Variants in CFAP54 observed in about 807,000 individuals in gnomAD.
The protein encoded by CFAP54 is cilia- and flagella-associated protein 54.
A neutral mutation model predicts 370.4 loss-of-function variants in CFAP54; 290 were observed. The ratio of observed to expected loss-of-function variants is 0.78; its 90% confidence interval spans 0.71 to 0.86. The LOEUF is 0.86. Among genes scored for constraint, CFAP54 ranks in the 40% least tolerant of loss-of-function variants. CFAP54 has a pLI of 0.00. For missense variants in CFAP54, 3,399 were observed against 3,528.7 expected (o/e 0.96, Z 0.93); for synonymous variants, 1,206 against 1,236.5 (o/e 0.98, Z 0.52).
At position 96,613,245 on chromosome 12, in the gene CFAP54, T is replaced by C. The variant is rs182321946; in HGVS notation, c.3640-8345T>C. Among the ~76,000 whole-genome samples, 195 of 152,280 alleles carry C rather than the reference T, an allele frequency of 1.3e-3. 1 individual carries two copies. The highest frequency in any genetic ancestry group is 4.0e-3 in the Admixed American group (61 of 15,284). ...CAAAACTGCTTAACTACATGGAAAC[T>C]GAACAACCTGCTCCTGAATGACTAC... On this transcript the variant is annotated intron_variant, in intron 26 of 67. Coordinates refer to ENST00000524981, the MANE Select transcript of CFAP54 (RefSeq NM_001306084.2).
intron 46 of CFAP54, among the ~76,000 whole-genome samples, chr12:96,702,915 T>A (rs564701434): frequency 1.4e-4 from 21 of 152,320 alleles, no homozygotes; most frequent in Admixed American, 4.6e-4. Context: ...TTTAAAAAAA[T>A]TCTGTATTTT....
chr12:96,750,649 C>T (rs567054353), intron 55 of CFAP54, among the ~76,000 whole-genome samples: 5 of 152,262 alleles, frequency 3.3e-5, no homozygotes, highest in African/African-American at 1.2e-4. Context: ...TCTACAGGAG[C>T]TTAAAATACA....
rs773626439 is a variant in CFAP54 at position 96,684,649 on chromosome 12, T to C, written c.5718T>C (p.Asp1906=). 1 of 1,607,064 alleles carries C rather than the reference T, an allele frequency of 6.2e-7. No individual in the cohort carries two copies. The highest frequency in any genetic ancestry group is 2.2e-5 in the East Asian group (1 of 44,830). The change falls in exon 41 of 68, where the codon GAT becomes GAC. Residue 1906 remains aspartate, a splice_region_variant and synonymous_variant. Transcript: ENST00000524981. ...LLSLFLAQTQ[D]VLQASNQRSL... is the part of the protein sequence containing the mutation. ...TCTTTTACTTGATTAAAAATATAGA[T>C]GTTCTCCAAGCCAGCAATCAAAGAA...
chr12:96,812,474 T>C (rs1226278906), intron 64 of CFAP54, among the ~76,000 whole-genome samples: 1 of 152,192 alleles, frequency 6.6e-6, no homozygotes, highest in Non-Finnish European at 1.5e-5. Flanking sequence ...CATTTATTAC[T>C]TAGTTTATTT....
intron 14 of CFAP54, among the ~76,000 whole-genome samples, chr12:96,547,672 G>A (rs944795641): frequency 6.6e-6 from 1 of 151,996 alleles, no homozygotes; most frequent in Non-Finnish European, 1.5e-5. Flanking sequence ...TGAGATTATC[G>A]GTAATTAAAA....
chr12:96,824,276 T>G (rs985760949), intron 65 of CFAP54, among the ~76,000 whole-genome samples: 1 of 152,166 alleles, frequency 6.6e-6, no homozygotes, highest in Non-Finnish European at 1.5e-5. Context: ...AGAACATGTG[T>G]ATGCGGTTTA....
chr12:96,860,974 T>C (rs543077253), intron 67 of CFAP54, 22 bp downstream of exon 67: 1 of 1,448,296 alleles, frequency 6.9e-7, no homozygotes, highest in Non-Finnish European at 9.1e-7. Flanking sequence ...CAGGATTTAA[T>C]TGTTGTTGTT....
intron 61 of CFAP54, among the ~76,000 whole-genome samples, chr12:96,786,470 C>T (rs752767181): frequency 1.8e-4 from 28 of 152,068 alleles, no homozygotes; most frequent in East Asian, 5.8e-4. Context: ...CATAAGCCAC[C>T]GCGCCTGGCC....
At chr12:96,492,793 G>T (rs549580784) in intron 1 of CFAP54, among the ~76,000 whole-genome samples, 16 of 152,208 alleles carry the variant, frequency 1.1e-4, no homozygotes, top group Non-Finnish European at 2.1e-4. Flanking sequence ...AGGAGTTCAA[G>T]ATCAGCCTGG....
chr12:96,586,109 T>A (rs1202385536), intron 22 of CFAP54, among the ~76,000 whole-genome samples: 1 of 152,204 alleles, frequency 6.6e-6, no homozygotes, highest in Non-Finnish European at 1.5e-5. Flanking sequence ...TGCCAGGCAT[T>A]GCCCCAGGTT....
At chr12:96,562,428 C>CTTT (rs200487420) in intron 17 of CFAP54, among the ~76,000 whole-genome samples, 43 of 115,090 alleles carry the variant, frequency 3.7e-4, no homozygotes, top group East Asian at 3.4e-3. Flanking sequence ...TATTTGCATT[C>CTTT]TTTTTTTTTT....
chr12:96,527,189 G>GC (rs1456658759), intron 8 of CFAP54, 57 bp from the exon 9 acceptor site: 10 of 1,402,446 alleles, frequency 7.1e-6, no homozygotes, highest in Non-Finnish European at 9.4e-6. Context: ...GAGCCACTGC[G>GC]CCCACAATAT....
intron 19 of CFAP54, among the ~76,000 whole-genome samples, chr12:96,575,769 A>G (rs1955969064): frequency 6.6e-6 from 1 of 152,128 alleles, no homozygotes; most frequent in East Asian, 1.9e-4. Flanking sequence ...GGTGTGAAGT[A>G]GGAGTTGAAC....
intron 67 of CFAP54, among the ~76,000 whole-genome samples, chr12:96,868,238 AGTAG>A (rs1180716921): frequency 6.6e-6 from 1 of 152,116 alleles, no homozygotes; most frequent in Non-Finnish European, 1.5e-5. Flanking sequence ...CAGGGACCAA[AGTAG>A]GTAGATTTCA....
chr12:96,590,626 A>G (rs1303267083), intron 23 of CFAP54, among the ~76,000 whole-genome samples: 1 of 152,188 alleles, frequency 6.6e-6, no homozygotes, highest in East Asian at 1.9e-4. Context: ...CTATGGGGGT[A>G]TGGGTTTCAG....
At chr12:96,730,593 T>C (rs1957909651) in intron 50 of CFAP54, among the ~76,000 whole-genome samples, 1 of 152,210 alleles carries the variant, frequency 6.6e-6, no homozygotes, top group Admixed American at 6.5e-5. Context: ...ATGATCAAGT[T>C]AGATGAAAAA....
intron 46 of CFAP54, 152 bp downstream of exon 46, chr12:96,700,245 G>A: frequency 1.5e-5 from 13 of 867,028 alleles, no homozygotes; most frequent in Non-Finnish European, 2.2e-5. Context: ...AGGATTTTAT[G>A]AGGTTTCATT....
intron 28 of CFAP54, 96 bp from the exon 29 acceptor site, chr12:96,625,622 C>A: frequency 4.7e-6 from 3 of 642,304 alleles, no homozygotes; most frequent in Non-Finnish European, 7.6e-6. Context: ...CCTGTTTTGT[C>A]ATCTCTTTTA....
At chr12:96,823,584 A>G (rs566003169) in intron 65 of CFAP54, among the ~76,000 whole-genome samples, 1 of 152,306 alleles carries the variant, frequency 6.6e-6, no homozygotes, top group Admixed American at 6.5e-5. Context: ...GGGTGGAATT[A>G]TGTGCTTCCT....
Sources: allele counts gnomAD v4.1 joint callset (sites outside exome capture counted in the v4.1 genomes callset), GRCh38; gene constraint gnomAD v4.1.1; transcripts MANE v1.5; gene names NCBI Gene and HGNC (gene_info 2026-07-23, HGNC 2026-07-21).